The following ITGA11 variants were observed in gnomAD, a reference collection of about 807,000 sequenced individuals.
The protein encoded by ITGA11 is integrin alpha-11.
Under a neutral mutation model 141.9 loss-of-function variants are expected in ITGA11, and 97 were observed. The observed-to-expected ratio is 0.68, with a 90% CI of 0.58 to 0.81. The LOEUF (loss-of-function observed/expected upper bound fraction) is 0.81. Among genes scored for constraint, ITGA11 ranks in the 30% least tolerant of loss-of-function variants. ITGA11 has a pLI of 0.00. For synonymous variants in ITGA11, 658 were observed against 624.6 expected, an observed-to-expected ratio of 1.05 and a Z score of -0.80; for missense variants, 1,387 against 1,559.2, an observed-to-expected ratio of 0.89 and a Z score of 1.86.
chr15:68,320,297 C>T lies in ITGA11; in HGVS notation c.2504G>A (p.Arg835His), dbSNP rs753086389. 1.5e-5 allele frequency: 24 copies of T among 1,613,980 alleles called. No individual in the cohort carries two copies. Among genetic ancestry groups the T allele is most frequent in the Middle Eastern group, 1.6e-4 (1 of 6,062 alleles). Residue 835 changes from arginine to histidine, a missense_variant, in exon 20 of 30, where the codon CGC becomes CAC. Physicochemically the swap from Arg to His is conservative, Grantham distance 29 (BLOSUM62 0). Coordinates refer to ENST00000315757, the MANE Select transcript of ITGA11 (RefSeq NM_001004439.2). ...DTTVFIIEST[R>H]QRVAVEATLE... ...TGTGGCCTCCACCGCCACTCGCTGG[C>T]GTGTGCTCTCTATGATGAAGACTGT...
chr15:68,403,300 G>A (rs1896557338), intron 1 of ITGA11, among the ~76,000 whole-genome samples: 1 of 152,184 alleles, frequency 6.6e-6, no homozygotes, highest in African/African-American at 2.4e-5. Context: ...ATCTGACGTT[G>A]AAACAGGATT....
intron 12 of ITGA11, among the ~76,000 whole-genome samples, chr15:68,332,814 A>G (rs1206403444): frequency 6.6e-6 from 1 of 152,178 alleles, no homozygotes; most frequent in Non-Finnish European, 1.5e-5. Flanking sequence ...AAGTATGAAG[A>G]AGACATCCAA....
At chr15:68,310,042 C>T (rs1250962897) in intron 26 of ITGA11, among the ~76,000 whole-genome samples, 1 of 152,138 alleles carries the variant, frequency 6.6e-6, no homozygotes, top group African/African-American at 2.4e-5. Flanking sequence ...TTGAAATCCC[C>T]TCATGTGTGA....
chr15:68,391,488 T>G (rs990742735), intron 2 of ITGA11, among the ~76,000 whole-genome samples: 1 of 152,212 alleles, frequency 6.6e-6, no homozygotes, highest in African/African-American at 2.4e-5. Flanking sequence ...AGAGTCTGGC[T>G]GGGTTTCTGC....
rs774365293 is a variant in ITGA11, at chr15:68,357,188, T to C, written c.712A>G (p.Thr238Ala). Residue 238 changes from threonine to alanine, a missense_variant, in exon 7 of 30, where the codon ACA becomes GCA. Transcript: ENST00000315757. ...AASHIEQRGG[T>A]ETRTAFGIEF... Reference sequence around the variant, plus strand: ...ATGCCAAATGCCGTCCGGGTCTCTGTTCCTCCTCTCTGCTCAATGTGGCTG... The same window carrying C: ...ATGCCAAATGCCGTCCGGGTCTCTGCTCCTCCTCTCTGCTCAATGTGGCTG... 2 of 1,613,996 alleles carry C rather than the reference T, an allele frequency of 1.2e-6. No homozygotes were observed. Among genetic ancestry groups the C allele is most frequent in the South Asian group, 2.2e-5 (2 of 91,064 alleles).
chr15:68,400,127 C>T (rs1433282589), intron 2 of ITGA11, among the ~76,000 whole-genome samples: 2 of 152,034 alleles, frequency 1.3e-5, no homozygotes, highest in African/African-American at 2.4e-5. Flanking sequence ...TCTATGGTCA[C>T]CCGATTTTCA....
intron 10 of ITGA11, among the ~76,000 whole-genome samples, chr15:68,344,697 G>A (rs932458031): frequency 1.3e-5 from 2 of 151,996 alleles, no homozygotes; most frequent in Non-Finnish European, 2.9e-5. Context: ...TCCCACACAG[G>A]GCTCAGCTGA....
chr15:68,397,817 ATAT>A (rs889475493), intron 2 of ITGA11, among the ~76,000 whole-genome samples: 6 of 138,544 alleles, frequency 4.3e-5, no homozygotes, highest in Non-Finnish European at 6.2e-5. Flanking sequence ...ATAATATTAT[ATAT>A]TATTATATAA....
At chr15:68,425,823 A>G (rs558859342) in intron 1 of ITGA11, among the ~76,000 whole-genome samples, 14 of 152,348 alleles carry the variant, frequency 9.2e-5, no homozygotes, top group Admixed American at 2.6e-4. Context: ...CAGCTGAGTG[A>G]TGCTGCTGGG....
chr15:68,336,900 G>GT (rs1275562451), intron 11 of ITGA11, among the ~76,000 whole-genome samples: 3 of 152,176 alleles, frequency 2.0e-5, no homozygotes, highest in African/African-American at 7.2e-5. Flanking sequence ...AGTGCCTGGG[G>GT]GTGAACTGCT....
At chr15:68,330,876 C>A in intron 15 of ITGA11, 105 bp downstream of exon 15, 4 of 1,318,500 alleles carry the variant, frequency 3.0e-6, no homozygotes, top group Non-Finnish European at 4.2e-6. Flanking sequence ...TAGCTGAGGG[C>A]AGTTAAAGAC....
rs1348128924 is a variant in ITGA11 at position 68,308,677 on chromosome 15, A to C, written c.3175-981T>G. Among the ~76,000 whole-genome samples, 1 of 152,044 alleles carries C rather than the reference A, an allele frequency of 6.6e-6. No individual in the cohort carries two copies. The highest frequency in any genetic ancestry group is 1.5e-5 in the Non-Finnish European group (1 of 68,014). On this transcript the variant is annotated intron_variant, in intron 26 of 29. Coordinates refer to ENST00000315757, the MANE Select transcript of ITGA11 (RefSeq NM_001004439.2). This position sits in a 1 kb window ranked among gnomAD's most constrained non-coding sequence, Gnocchi z 5.2. ...AGAATCACTTGAACCCGGGAGGCGGAGGTCGCAGTGAGCCGAGATCGTGCC... is the reference window on the plus strand; with the variant it reads ...AGAATCACTTGAACCCGGGAGGCGGCGGTCGCAGTGAGCCGAGATCGTGCC...
intron 1 of ITGA11, among the ~76,000 whole-genome samples, chr15:68,403,510 C>T (rs539666905): frequency 6.6e-6 from 1 of 152,330 alleles, no homozygotes; most frequent in African/African-American, 2.4e-5. Context: ...CTCGCCTTCA[C>T]CTTCCACCAT....
rs891049137 is a variant in ITGA11 at position 68,301,779 on chromosome 15, G to A, written c.*1280C>T. 1 of 152,726 alleles carries A rather than the reference G, an allele frequency of 6.5e-6. No individual in the cohort carries two copies. Among genetic ancestry groups the A allele is most frequent in the African/African-American group, 2.4e-5 (1 of 41,562 alleles). 9.5% of individuals were successfully genotyped at this position (152,726 alleles called of 1,614,324 possible). A position where few individuals can be genotyped will look rare whatever the true frequency, so the allele number is the denominator to read the frequency against. On this transcript the variant is annotated 3_prime_UTR_variant, in exon 30 of 30. Transcript: ENST00000315757. The surrounding 1 kb of genome is among the most constrained non-coding windows in gnomAD (Gnocchi z 4.4). ...TCGTACTATGCACAGGGGGACTGAT[G>A]CCTTTCATGTGTCCCCCTTGCATTT...
In ITGA11 at chr15:68,364,808, G is replaced by A. The variant is rs552568981; in HGVS notation, c.266-10C>T. 139 of 1,613,072 alleles carry A rather than the reference G, an allele frequency of 8.6e-5. 1 individual carries two copies. In the East Asian group the frequency reaches 2.8e-3, roughly 32 times the overall value. ...GACAGGGTGACCCTTCCTGGGGTTG[G>A]GGGAGAAGTTCAGCTTGCAGCCCCC... On this transcript the variant is annotated splice_polypyrimidine_tract_variant and intron_variant, in intron 3 of 29. Coordinates refer to ENST00000315757, the MANE Select transcript of ITGA11 (RefSeq NM_001004439.2).
chr15:68,360,347 A>G (rs973333663), intron 5 of ITGA11, among the ~76,000 whole-genome samples: 4 of 152,224 alleles, frequency 2.6e-5, no homozygotes, highest in African/African-American at 9.6e-5. Flanking sequence ...ATTATAATGC[A>G]TTTATTATTG....
At position 68,322,830 on chromosome 15, in the gene ITGA11, C is replaced by G. The variant is rs1449841178; in HGVS notation, c.2323-1327G>C. ...CCAAGATCGTGCCACTACACTCCAA[C>G]CTGGGTGACAGAGGGAGATACCATT... On this transcript the variant is annotated intron_variant, in intron 18 of 29. Transcript: ENST00000315757. The surrounding 1 kb of genome is among the most constrained non-coding windows in gnomAD (Gnocchi z 5.6). Among the ~76,000 whole-genome samples the G allele has an allele frequency of 3.3e-5, 5 of 149,794 alleles. No individual in the cohort carries two copies. Among genetic ancestry groups the G allele is most frequent in the African/African-American group, 9.8e-5 (4 of 40,804 alleles).
At chr15:68,336,030 A>G in intron 11 of ITGA11, 185 bp from the exon 12 acceptor site, 1 of 689,376 alleles carries the variant, frequency 1.5e-6, no homozygotes, top group Non-Finnish European at 2.4e-6. Context: ...TGGAAGAGGC[A>G]GGACCCAGGA....
intron 2 of ITGA11, among the ~76,000 whole-genome samples, chr15:68,380,971 T>G (rs1304391445): frequency 6.6e-6 from 1 of 152,190 alleles, no homozygotes; most frequent in Non-Finnish European, 1.5e-5. Flanking sequence ...CCAGTCAGGT[T>G]GCCCCTACCT....
Sources: gnomAD v4.1 joint callset for allele counts (sites outside exome capture counted in the v4.1 genomes callset) on GRCh38, gnomAD v4.1.1 for gene constraint, Gnocchi (gnomAD v3.1) non-coding constraint, MANE v1.5 for transcripts, NCBI Gene and HGNC (gene_info 2026-07-23, HGNC 2026-07-21) for gene names.